Variants in LDLRAD4 observed in about 807,000 individuals in gnomAD.
LDLRAD4 encodes the protein low-density lipoprotein receptor class A domain-containing protein 4.
LDLRAD4 carries 5 observed loss-of-function variants against 17.0 expected under a neutral mutation model. The ratio of observed to expected loss-of-function variants is 0.29; its 90% CI spans 0.15 to 0.62. LDLRAD4 has a LOEUF of 0.62. Among genes scored for constraint, LDLRAD4 ranks in the 20% least tolerant of loss-of-function variants. The probability of loss-of-function intolerance (pLI) is 0.84; values close to 1 mark genes in which losing one functional copy is unlikely to be tolerated. For synonymous variants in LDLRAD4, 168 were observed against 171.8 expected, an observed-to-expected ratio of 0.98 and a Z score of 0.17; for missense variants, 340 against 424.7, an observed-to-expected ratio of 0.80 and a Z score of 1.75.
At chr18:13,651,138 C>G (rs13081) in exon 6 of LDLRAD4, 1 of 152,050 alleles carries the variant, frequency 6.6e-6, no homozygotes, top group African/African-American at 2.4e-5. Context: ...TGTAGCATCA[C>G]GAAGGTGTCA....
At chr18:13,332,848 C>T (rs1289110252) in intron 1 of LDLRAD4, among the ~76,000 whole-genome samples, 1 of 151,840 alleles carries the variant, frequency 6.6e-6, no homozygotes, top group Non-Finnish European at 1.5e-5. Context: ...CAGGTTTTGG[C>T]AAATATGAAT....
At chr18:13,407,628 C>T (rs1299715346) in intron 2 of LDLRAD4, among the ~76,000 whole-genome samples, 1 of 152,246 alleles carries the variant, frequency 6.6e-6, no homozygotes, top group African/African-American at 2.4e-5. Context: ...GTTTCACCCC[C>T]TTGGGAGCAG....
At chr18:13,578,326 A>G (rs541579125) in intron 3 of LDLRAD4, among the ~76,000 whole-genome samples, 11 of 152,286 alleles carry the variant, frequency 7.2e-5, no homozygotes, top group African/African-American at 2.4e-4. Context: ...TGTTATTTAT[A>G]TTCCCCTGGA....
intron 1 of LDLRAD4, among the ~76,000 whole-genome samples, chr18:13,335,540 A>G (rs762509137): frequency 3.3e-5 from 5 of 152,268 alleles, no homozygotes; most frequent in Non-Finnish European, 7.4e-5. Flanking sequence ...GATTTGGTTG[A>G]CCACTTTAAT....
chr18:13,572,998 G>A (rs1187473524), intron 3 of LDLRAD4, among the ~76,000 whole-genome samples: 1 of 152,256 alleles, frequency 6.6e-6, no homozygotes, highest in Non-Finnish European at 1.5e-5. Context: ...GTGCCCTCCT[G>A]TGCTGTGTGG....
chr18:13,396,692 A>C (rs976463727), intron 2 of LDLRAD4, among the ~76,000 whole-genome samples: 2 of 152,100 alleles, frequency 1.3e-5, no homozygotes, highest in East Asian at 1.9e-4. Flanking sequence ...CATGTTGCCT[A>C]GGTTGGTCTC....
At chr18:13,612,050 G>T (rs1053324012) in intron 3 of LDLRAD4, 24 of 985,422 alleles carry the variant, frequency 2.4e-5, no homozygotes, top group Non-Finnish European at 2.7e-5. Context: ...CCCGCCTGTC[G>T]CGTGTCCTGC....
Position 13,457,606 on chromosome 18 carries a change from C to T in LDLRAD4, c.181+19222C>T, listed in dbSNP as rs76803276. On this transcript the variant is annotated intron_variant, in intron 3 of 5. Coordinates refer to ENST00000359446, the Ensembl canonical transcript of LDLRAD4. ...GGAAGTTCTGTTTCCTGAGGCCTGA[C>T]GCACCCGACCTTCTAACAGAAGACT... Among the ~76,000 whole-genome samples, 1,320 of 152,282 alleles carry T rather than the reference C, an allele frequency of 8.7e-3. 23 individuals carry two copies. Among genetic ancestry groups the T allele is most frequent in the African/African-American group, 0.03 (1,246 of 41,552 alleles).
chr18:13,327,538 C>G (rs1214547152), intron 1 of LDLRAD4, among the ~76,000 whole-genome samples: 1 of 151,432 alleles, frequency 6.6e-6, no homozygotes, highest in African/African-American at 2.4e-5. Flanking sequence ...TCGGAAGGAG[C>G]AGATGGAGAG....
intron 3 of LDLRAD4, among the ~76,000 whole-genome samples, chr18:13,532,644 T>C (rs2094145537): frequency 6.6e-6 from 1 of 152,240 alleles, no homozygotes; most frequent in Non-Finnish European, 1.5e-5. Context: ...CCCCAGCCTT[T>C]TGATGCTCAT....
chr18:13,542,260 A>T (rs901411775), intron 3 of LDLRAD4: 8 of 152,200 alleles, frequency 5.3e-5, no homozygotes, highest in Admixed American at 5.2e-4. Flanking sequence ...CCACTGTGAG[A>T]CAGTAAATAT....
intron 1 of LDLRAD4, among the ~76,000 whole-genome samples, chr18:13,287,022 C>A (rs1315335053): frequency 6.6e-6 from 1 of 152,102 alleles, no homozygotes; most frequent in Non-Finnish European, 1.5e-5. Flanking sequence ...CTGGACCAGC[C>A]CGTGTGGCTG....
chr18:13,348,864 T>A (rs2082867180), intron 1 of LDLRAD4, among the ~76,000 whole-genome samples: 1 of 152,092 alleles, frequency 6.6e-6, no homozygotes. Flanking sequence ...TGTAGGACCC[T>A]CCGAGCCAGG....
intron 3 of LDLRAD4, among the ~76,000 whole-genome samples, chr18:13,605,227 T>G (rs2095211223): frequency 6.6e-6 from 1 of 152,218 alleles, no homozygotes; most frequent in Non-Finnish European, 1.5e-5. Context: ...CTAGAGCCTC[T>G]GTTTTAATGA....
At chr18:13,642,272 G>A (rs2042642502) in intron 4 of LDLRAD4, 10 of 987,848 alleles carry the variant, frequency 1.0e-5, no homozygotes, top group Admixed American at 1.2e-4. Flanking sequence ...GGCCCAGCCC[G>A]CCCGTTTCCG....
chr18:13,348,840 C>T (rs141958525), intron 1 of LDLRAD4, among the ~76,000 whole-genome samples: 192 of 152,268 alleles, frequency 1.3e-3, no homozygotes, highest in African/African-American at 4.4e-3. Flanking sequence ...TAGCAATAAA[C>T]GAGGCTCCAT....
At chr18:13,608,806 C>G (rs533715096) in intron 3 of LDLRAD4, among the ~76,000 whole-genome samples, 1 of 152,332 alleles carries the variant, frequency 6.6e-6, no homozygotes, top group Non-Finnish European at 1.5e-5. Flanking sequence ...AGTGCGTTTC[C>G]TCCTAAGGAC....
At chr18:13,479,389 G>C (rs189074813) in intron 3 of LDLRAD4, among the ~76,000 whole-genome samples, 1 of 152,366 alleles carries the variant, frequency 6.6e-6, no homozygotes, top group Non-Finnish European at 1.5e-5. Flanking sequence ...GGGAGGCCAA[G>C]ACAGGCGAAT....
intron 2 of LDLRAD4, among the ~76,000 whole-genome samples, chr18:13,404,657 GT>G (rs753950707): frequency 6.6e-6 from 1 of 152,046 alleles, no homozygotes; most frequent in Non-Finnish European, 1.5e-5. Flanking sequence ...AATTAGCCGG[GT>G]GTAGTGGTGA....
Sources: gnomAD v4.1 joint callset for allele counts (sites outside exome capture counted in the v4.1 genomes callset) on GRCh38, gnomAD v4.1.1 for gene constraint, MANE v1.5 for transcripts, NCBI Gene and HGNC (gene_info 2026-07-23, HGNC 2026-07-21) for gene names.